The following SEMA5A variants were observed in gnomAD, a reference collection of about 807,000 sequenced individuals.
SEMA5A encodes semaphorin-5A.
In SEMA5A, 55 loss-of-function variants were observed where a neutral mutation model predicts 135.5. That is an observed-to-expected ratio of 0.41 (90% CI 0.33 to 0.51). The LOEUF is 0.51. Ranked by LOEUF, SEMA5A falls within the 20% of genes least tolerant of loss-of-function variation. The pLI is 0.37. For synonymous variants in SEMA5A, 580 were observed against 546.5 expected, an observed-to-expected ratio of 1.06 and a Z score of -0.85; for missense variants, 1,290 against 1,419.9, an observed-to-expected ratio of 0.91 and a Z score of 1.47.
intron 1 of SEMA5A, among the ~76,000 whole-genome samples, chr5:9,510,933 A>AT (rs1225880983): frequency 3.3e-5 from 5 of 152,250 alleles, no homozygotes; most frequent in Non-Finnish European, 5.9e-5. Context: ...ACCATGGTCC[A>AT]TTCGGCCTGC....
chr5:9,344,422 C>T (rs974794497), intron 3 of SEMA5A, among the ~76,000 whole-genome samples: 11 of 152,088 alleles, frequency 7.2e-5, no homozygotes, highest in East Asian at 3.8e-4. Flanking sequence ...GTAACATATA[C>T]GCATGGATTA....
intron 5 of SEMA5A, among the ~76,000 whole-genome samples, chr5:9,268,486 T>C (rs922554002): frequency 1.3e-5 from 2 of 152,134 alleles, no homozygotes; most frequent in Non-Finnish European, 2.9e-5. Flanking sequence ...TTTATCCTTT[T>C]TTGGCAACAC....
At chr5:9,277,171 C>T (rs1185138947) in intron 5 of SEMA5A, among the ~76,000 whole-genome samples, 1 of 152,160 alleles carries the variant, frequency 6.6e-6, no homozygotes, top group Middle Eastern at 3.2e-3. Context: ...ACAGACACTT[C>T]TCAAAAGAAG....
chr5:9,162,428 A>ATGTGTATG (rs1743311936), intron 11 of SEMA5A, among the ~76,000 whole-genome samples: 5 of 137,304 alleles, frequency 3.6e-5, no homozygotes, highest in African/African-American at 8.5e-5. Context: ...GTGTATATAT[A>ATGTGTATG]TGTATATATA....
chr5:9,445,573 G>A (rs1300347969), intron 1 of SEMA5A, among the ~76,000 whole-genome samples: 2 of 152,058 alleles, frequency 1.3e-5, no homozygotes, highest in African/African-American at 4.8e-5. Flanking sequence ...GGAGGCTGAG[G>A]CAGGAGAATG....
intron 13 of SEMA5A, among the ~76,000 whole-genome samples, chr5:9,134,050 G>T (rs1741590653): frequency 6.6e-6 from 1 of 152,154 alleles, no homozygotes; most frequent in Non-Finnish European, 1.5e-5. Context: ...TGAAGAAGGT[G>T]CATGCTTGCT....
chr5:9,300,547 C>G (rs960908520), intron 5 of SEMA5A, among the ~76,000 whole-genome samples: 2 of 152,284 alleles, frequency 1.3e-5, no homozygotes, highest in Admixed American at 6.5e-5. Context: ...GAGGCATAAA[C>G]CCAGGAATAT....
At chr5:9,375,907 T>C (rs1464535779) in intron 3 of SEMA5A, among the ~76,000 whole-genome samples, 3 of 151,974 alleles carry the variant, frequency 2.0e-5, no homozygotes, top group Non-Finnish European at 2.9e-5. Flanking sequence ...GCCTTTTCCA[T>C]CTAAAATCAC....
intron 1 of SEMA5A, among the ~76,000 whole-genome samples, chr5:9,451,964 A>C (rs542463254): frequency 6.6e-6 from 1 of 152,330 alleles, no homozygotes; most frequent in South Asian, 2.1e-4. Context: ...AAAAAGATGA[A>C]GGAAATCTGA....
At chr5:9,380,788 A>C (rs1755566142) in intron 2 of SEMA5A, among the ~76,000 whole-genome samples, 1 of 152,218 alleles carries the variant, frequency 6.6e-6, no homozygotes, top group Non-Finnish European at 1.5e-5. Flanking sequence ...AAACCTCAAA[A>C]AGAACAGGAG....
chr5:9,346,536 C>A (rs1753876737), intron 3 of SEMA5A, among the ~76,000 whole-genome samples: 1 of 152,232 alleles, frequency 6.6e-6, no homozygotes, highest in African/African-American at 2.4e-5. Context: ...AGGTTCCCCA[C>A]TAGATGTTGG....
At chr5:9,202,867 TTTC>T in intron 8 of SEMA5A, among the ~76,000 whole-genome samples, 1 of 152,304 alleles carries the variant, frequency 6.6e-6, no homozygotes, top group East Asian at 1.9e-4. Flanking sequence ...CAACTCTGAT[TTTC>T]TTATTTCTGG....
intron 5 of SEMA5A, among the ~76,000 whole-genome samples, chr5:9,287,073 G>C (rs1398471848): frequency 6.6e-6 from 1 of 152,198 alleles, no homozygotes; most frequent in Non-Finnish European, 1.5e-5. Context: ...CAGAGGACCA[G>C]AAGCGAATGG....
rs531863827 is a variant in SEMA5A, at chr5:9,221,830, G to A, written c.646+2844C>T. Among the ~76,000 whole-genome samples, 5 of 152,286 alleles carry A rather than the reference G, an allele frequency of 3.3e-5. No homozygotes were observed. In the South Asian group the frequency reaches 1.0e-3, roughly 32 times the overall value. On this transcript the variant is annotated intron_variant, in intron 8 of 22. Coordinates refer to ENST00000382496, the MANE Select transcript of SEMA5A (RefSeq NM_003966.3). ...CCTAACATTTCTCTGTAAAGTAGGA[G>A]GAAAGATAAACCCATTGAGAATCCC...
chr5:9,154,087 A>ATGTGTG (rs1349420939), intron 12 of SEMA5A, among the ~76,000 whole-genome samples: 13 of 79,378 alleles, frequency 1.6e-4, no homozygotes, highest in African/African-American at 3.5e-4. Flanking sequence ...ATATATATAT[A>ATGTGTG]TATATATGTG....
chr5:9,083,375 G>A (rs1035198709), intron 16 of SEMA5A, among the ~76,000 whole-genome samples: 1 of 152,068 alleles, frequency 6.6e-6, no homozygotes, highest in African/African-American at 2.4e-5. Context: ...GATTTTAAAT[G>A]ACTTTAAAAA....
intron 21 of SEMA5A, among the ~76,000 whole-genome samples, chr5:9,046,513 G>A (rs995536447): frequency 6.6e-6 from 1 of 152,182 alleles, no homozygotes; most frequent in Admixed American, 6.5e-5. Flanking sequence ...GAGGGTCACT[G>A]TTCAGTGAGT....
At chr5:9,210,566 G>A (rs775175186) in intron 8 of SEMA5A, among the ~76,000 whole-genome samples, 1 of 152,212 alleles carries the variant, frequency 6.6e-6, no homozygotes, top group Non-Finnish European at 1.5e-5. Flanking sequence ...GGGAGAGAGA[G>A]ATGGAGGCCA....
At chr5:9,411,647 A>G (rs1351130105) in intron 2 of SEMA5A, among the ~76,000 whole-genome samples, 2 of 113,032 alleles carry the variant, frequency 1.8e-5, no homozygotes, top group African/African-American at 6.8e-5. Flanking sequence ...AAAGGAGAAA[A>G]TAAAAATTAA....
Sources: allele counts gnomAD v4.1 joint callset (sites outside exome capture counted in the v4.1 genomes callset), GRCh38; gene constraint gnomAD v4.1.1; transcripts MANE v1.5; gene names NCBI Gene and HGNC (gene_info 2026-07-23, HGNC 2026-07-21).